GRM3: variants seen among roughly 807,000 people sequenced by gnomAD.
GRM3 encodes the protein metabotropic glutamate receptor 3.
Under a neutral mutation model 70.5 loss-of-function variants are expected in GRM3, and 26 were observed. The ratio of observed to expected loss-of-function variants is 0.37; its 90% CI spans 0.27 to 0.51. The LOEUF (loss-of-function observed/expected upper bound fraction) is 0.51, where lower values mean the gene tolerates loss of function less well. Ranked by LOEUF, GRM3 falls within the 20% of genes least tolerant of loss-of-function variation. The probability of loss-of-function intolerance (pLI) is 0.93; values close to 1 mark genes in which losing one functional copy is unlikely to be tolerated. For synonymous variants in GRM3, 443 were observed against 434.9 expected (o/e 1.02, Z -0.23); for missense variants, 859 against 1,123.8 (o/e 0.76, Z 3.37).
intron 1 of GRM3, among the ~76,000 whole-genome samples, chr7:86,747,065 T>C (rs1316354456): frequency 6.6e-6 from 1 of 152,084 alleles, no homozygotes; most frequent in Admixed American, 6.6e-5. Context: ...TAAGCACTCA[T>C]AGGAGTTGGA....
chr7:86,710,566 T>TGGGGGGGGG (rs1171125332), intron 1 of GRM3, among the ~76,000 whole-genome samples: 2 of 8,128 alleles, frequency 2.5e-4, no homozygotes, highest in African/African-American at 1.1e-3. Context: ...GTGTGTGTGG[T>TGGGGGGGGG]GGGGGGTGGG....
At chr7:86,852,309 C>T (rs181148290) in intron 5 of GRM3, among the ~76,000 whole-genome samples, 4 of 152,228 alleles carry the variant, frequency 2.6e-5, no homozygotes, top group Non-Finnish European at 4.4e-5. Context: ...CTTCCATAGA[C>T]GTTATTCAAA....
At chr7:86,820,144 T>A (rs963194478) in intron 3 of GRM3, among the ~76,000 whole-genome samples, 2 of 152,194 alleles carry the variant, frequency 1.3e-5, no homozygotes, top group African/African-American at 4.8e-5. Flanking sequence ...TGTGGGCAGC[T>A]TTTGATGTAG....
chr7:86,664,545 T>C (rs1793976915), intron 1 of GRM3, among the ~76,000 whole-genome samples: 2 of 152,024 alleles, frequency 1.3e-5, no homozygotes, highest in Non-Finnish European at 2.9e-5. Flanking sequence ...TTTATCTCAA[T>C]TGTTTTTGAC....
At chr7:86,801,280 A>C (rs1451972368) in intron 3 of GRM3, among the ~76,000 whole-genome samples, 1 of 152,042 alleles carries the variant, frequency 6.6e-6, no homozygotes, top group Non-Finnish European at 1.5e-5. Context: ...TATGTTGGCC[A>C]GGCTGATCTT....
chr7:86,839,169 G>A lies in GRM3; in HGVS notation c.1655G>A (p.Gly552Glu). 6.2e-7 allele frequency: 1 copy of A among 1,613,300 alleles called. No homozygotes were observed. Among genetic ancestry groups the A allele is most frequent in the Non-Finnish European group, 8.5e-7 (1 of 1,179,226 alleles). Residue 552 changes from glycine (G) to glutamate (E), a missense_variant, in exon 4 of 6, where the codon GGA (glycine) becomes GAA (glutamate). Gly to Glu is a moderately conservative substitution (Grantham distance 98). Transcript: ENST00000361669. This position sits in a 1 kb window ranked among gnomAD's most constrained non-coding sequence, Gnocchi z 4.5. ...TTTACCTGTATGGATTGTGGGTCTGGACAGTGGCCCACTGCAGACCTAACT... is the reference window on the plus strand; with the variant it reads ...TTTACCTGTATGGATTGTGGGTCTGAACAGTGGCCCACTGCAGACCTAACT... ...DEFTCMDCGS[G>E]QWPTADLTGC...
At chr7:86,725,977 C>T (rs138882669) in intron 1 of GRM3, among the ~76,000 whole-genome samples, 2,088 of 152,218 alleles carry the variant, frequency 0.014, 27 homozygotes, top group Non-Finnish European at 0.018. Flanking sequence ...CTCCCAAAGG[C>T]CCCACCTCCA....
At chr7:86,716,004 A>G (rs1202640800) in intron 1 of GRM3, among the ~76,000 whole-genome samples, 1 of 152,048 alleles carries the variant, frequency 6.6e-6, no homozygotes, top group African/African-American at 2.4e-5. Flanking sequence ...TGATAGTAGC[A>G]ACCACCTACG....
rs181179812 is a variant in GRM3 at position 86,718,660 on chromosome 7, T to A, written c.-140-46346T>A. Reference sequence around the variant, plus strand: ...AGGCAAGTCTGCATAGTGGGAGAGATGGTGTAGAGAAAAGAGTGTCAAACT... The same window carrying A: ...AGGCAAGTCTGCATAGTGGGAGAGAAGGTGTAGAGAAAAGAGTGTCAAACT... On this transcript the variant is annotated intron_variant, in intron 1 of 5. Transcript: ENST00000361669. 5.8e-3 allele frequency among the ~76,000 whole-genome samples: 877 copies of A among 152,006 alleles called. 16 individuals carry two copies. The highest frequency in any genetic ancestry group is 0.046 in the Admixed American group (698 of 15,224).
At chr7:86,672,462 G>A (rs929098800) in intron 1 of GRM3, among the ~76,000 whole-genome samples, 2 of 152,132 alleles carry the variant, frequency 1.3e-5, no homozygotes, top group African/African-American at 4.8e-5. Flanking sequence ...TATGGGGCAC[G>A]TTTATATTGT....
intron 5 of GRM3, among the ~76,000 whole-genome samples, chr7:86,852,244 T>C (rs765876417): frequency 6.6e-6 from 1 of 152,182 alleles, no homozygotes; most frequent in East Asian, 1.9e-4. Context: ...AATTGTCTCA[T>C]TGCTAGCTCA....
At chr7:86,752,232 G>T (rs1486218639) in intron 1 of GRM3, among the ~76,000 whole-genome samples, 1 of 152,144 alleles carries the variant, frequency 6.6e-6, no homozygotes, top group East Asian at 1.9e-4. Flanking sequence ...GATAACTTTG[G>T]TATGTTTAGG....
chr7:86,832,821 G>T (rs1454358603), intron 3 of GRM3, among the ~76,000 whole-genome samples: 1 of 152,136 alleles, frequency 6.6e-6, no homozygotes, highest in African/African-American at 2.4e-5. Context: ...CGAAACTGGG[G>T]TCAGAACTAA....
rs553677024 is a variant in GRM3, at chr7:86,806,125, C to T, written c.1324+19009C>T. Reference sequence around the variant, plus strand: ...AGTATTCCATGGTGTATATGTGCCACATTTTCTTAATCCAGTCTATCATTG... The same window carrying T: ...AGTATTCCATGGTGTATATGTGCCATATTTTCTTAATCCAGTCTATCATTG... On this transcript the variant is annotated intron_variant, in intron 3 of 5. Coordinates refer to ENST00000361669, the MANE Select transcript of GRM3 (RefSeq NM_000840.3). Among the ~76,000 whole-genome samples the T allele has an allele frequency of 1.3e-4, 20 of 152,290 alleles. No individual in the cohort carries two copies. The South Asian group carries it at 4.1e-3, about 32-fold the overall frequency.
At chr7:86,858,737 A>G (rs948983390) in intron 5 of GRM3, among the ~76,000 whole-genome samples, 5 of 152,224 alleles carry the variant, frequency 3.3e-5, no homozygotes, top group African/African-American at 1.2e-4. Context: ...GGGTCATGAC[A>G]TATCTTCTTT....
In GRM3 at chr7:86,787,065, C is replaced by G. The variant is rs774035129; in HGVS notation, c.1273C>G (p.Leu425Val). The change falls in exon 3 of 6, where the codon CTG (leucine) becomes GTG (valine). Residue 425 changes from leucine to valine, a missense_variant. Transcript: ENST00000361669. ...TTKLCDAMKILDGKKLYKDYL... is the reference protein window; with the variant it reads ...TTKLCDAMKIVDGKKLYKDYL... Reference sequence around the variant, plus strand: ...CAAGCTTTGTGATGCTATGAAGATCCTGGATGGGAAGAAGTTGTACAAGGA... The same window carrying G: ...CAAGCTTTGTGATGCTATGAAGATCGTGGATGGGAAGAAGTTGTACAAGGA... 5.6e-6 allele frequency: 9 copies of G among 1,612,478 alleles called. No homozygotes were observed. Among genetic ancestry groups the G allele is most frequent in the Non-Finnish European group, 6.8e-6 (8 of 1,179,146 alleles).
At chr7:86,834,163 G>T (rs1264648678) in intron 3 of GRM3, among the ~76,000 whole-genome samples, 1 of 151,958 alleles carries the variant, frequency 6.6e-6, no homozygotes, top group Non-Finnish European at 1.5e-5. Flanking sequence ...AGTTTTTACA[G>T]GAATATAAAC....
At chr7:86,752,947 C>T (rs1395982903) in intron 1 of GRM3, among the ~76,000 whole-genome samples, 1 of 152,048 alleles carries the variant, frequency 6.6e-6, no homozygotes, top group Non-Finnish European at 1.5e-5. Flanking sequence ...AGTGTGAGCA[C>T]ATGTGTCCTT....
chr7:86,829,197 A>G (rs1798301702), intron 3 of GRM3, among the ~76,000 whole-genome samples: 1 of 152,114 alleles, frequency 6.6e-6, no homozygotes, highest in African/African-American at 2.4e-5. Context: ...TTCTTCTGCA[A>G]TTCCTCAGCT....
Sources: allele counts gnomAD v4.1 joint callset (sites outside exome capture counted in the v4.1 genomes callset), GRCh38; gene constraint gnomAD v4.1.1; non-coding constraint Gnocchi (gnomAD v3.1); transcripts MANE v1.5; gene names NCBI Gene and HGNC (gene_info 2026-07-23, HGNC 2026-07-21).